The following CRTAP variants were observed in gnomAD, a reference collection of about 807,000 sequenced individuals.
CRTAP encodes cartilage associated protein.
CRTAP carries 33 observed loss-of-function variants against 42.7 expected under a neutral mutation model. That is an observed-to-expected ratio of 0.77 (90% confidence interval 0.59 to 1.03). CRTAP has a LOEUF of 1.03. CRTAP is among the 50% of genes least tolerant of loss of function. The pLI is 0.00. For missense variants in CRTAP, 613 were observed against 533.9 expected (o/e 1.15, Z -1.46); for synonymous variants, 243 against 217.7 (o/e 1.12, Z -1.02).
intron 2 of CRTAP, among the ~76,000 whole-genome samples, chr3:33,120,810 G>T (rs1192187664): frequency 2.0e-5 from 3 of 152,048 alleles, no homozygotes; most frequent in Non-Finnish European, 4.4e-5. Flanking sequence ...AGGAACACAA[G>T]AAATAGAAAC....
chr3:33,138,438 A>G (rs1170101506), intron 6 of CRTAP, among the ~76,000 whole-genome samples: 1 of 152,060 alleles, frequency 6.6e-6, no homozygotes, highest in East Asian at 1.9e-4. Context: ...TTCTTATTTT[A>G]TTATTCCTAA....
At position 33,129,976 on chromosome 3, in the gene CRTAP, T is replaced by G; in HGVS notation, c.831T>G (p.Cys277Trp). The G allele has an allele frequency of 6.2e-7, 1 of 1,613,582 alleles. No individual in the cohort carries two copies. Among genetic ancestry groups the G allele is most frequent in the Non-Finnish European group, 8.5e-7 (1 of 1,179,488 alleles). ...AAGTTCTGGAATGCAAAATACAGTG[T>G]GAAGAGAACCTCACCCCAGTTATAG... is the stretch of plus-strand genomic sequence containing the variant. ...YVEVLECKIQ[C>W]EENLTPVIGG... Residue 277 changes from cysteine to tryptophan, a missense_variant, in exon 4 of 7, where the codon TGT becomes TGG. Transcript: ENST00000320954.
chr3:33,119,382 G>A (rs1375824722), intron 1 of CRTAP, among the ~76,000 whole-genome samples: 4 of 152,148 alleles, frequency 2.6e-5, no homozygotes, highest in African/African-American at 9.7e-5. Flanking sequence ...GAGATTGTAG[G>A]GTGGCGTAAA....
intron 3 of CRTAP, among the ~76,000 whole-genome samples, chr3:33,125,201 T>G (rs1200975269): frequency 6.6e-6 from 1 of 152,150 alleles, no homozygotes; most frequent in Non-Finnish European, 1.5e-5. Context: ...CCCAAAGTGG[T>G]TTGAGAACAC....
intron 5 of CRTAP, 78 bp downstream of exon 5, chr3:33,132,778 G>C: frequency 6.4e-7 from 1 of 1,564,158 alleles, no homozygotes; most frequent in Non-Finnish European, 8.8e-7. Flanking sequence ...TAAGAGAAAG[G>C]GTTATTTTGG....
intron 3 of CRTAP, 110 bp from the exon 4 acceptor site, chr3:33,129,829 G>A (rs977511921): frequency 3.3e-5 from 37 of 1,111,374 alleles, no homozygotes; most frequent in African/African-American, 7.8e-5. Context: ...GAGCCACCGC[G>A]CCCGGCCTGT....
At chr3:33,136,316 T>A (rs1396647619) in intron 6 of CRTAP, among the ~76,000 whole-genome samples, 5 of 152,226 alleles carry the variant, frequency 3.3e-5, no homozygotes, top group Non-Finnish European at 5.9e-5. Context: ...GATGTTTGGG[T>A]TGGTTCCACT....
Position 33,120,400 on chromosome 3 carries a change from T to G in CRTAP, c.528T>G (p.Pro176=), listed in dbSNP as rs774680682. 2.2e-5 allele frequency: 36 copies of G among 1,614,042 alleles called. No individual in the cohort carries two copies. The highest frequency in any genetic ancestry group is 3.0e-5 in the Non-Finnish European group (35 of 1,179,990). The change falls in exon 2 of 7, where the codon CCT becomes CCG. Residue 176 remains proline (P), a synonymous_variant. Transcript: ENST00000320954. ...CTCACACCTTTCTACTGAAGCATCC[T>G]GATGACGAAATGATGAAGAGGAACA... ...AAAHTFLLKH[P]DDEMMKRNMA... is the part of the protein sequence containing the mutation.
intron 1 of CRTAP, 133 bp from the exon 2 acceptor site, chr3:33,120,211 G>A (rs1014493562): frequency 1.2e-6 from 1 of 823,392 alleles, no homozygotes; most frequent in Non-Finnish European, 2.1e-6. Flanking sequence ...GAGGGGCCCT[G>A]GAAGTCATGG....
intron 1 of CRTAP, among the ~76,000 whole-genome samples, chr3:33,114,932 C>A (rs1057496581): frequency 6.6e-6 from 1 of 152,044 alleles, no homozygotes; most frequent in African/African-American, 2.4e-5. Flanking sequence ...ACCTGAGGAG[C>A]CGACAAGTAC....
intron 6 of CRTAP, among the ~76,000 whole-genome samples, chr3:33,140,273 A>T (rs2030538350): frequency 6.6e-6 from 1 of 152,196 alleles, no homozygotes; most frequent in African/African-American, 2.4e-5. Context: ...CGCCAAGCTT[A>T]TTGCAGGCTT....
chr3:33,119,471 CAG>C (rs1397693643), intron 1 of CRTAP, among the ~76,000 whole-genome samples: 1 of 151,952 alleles, frequency 6.6e-6, no homozygotes, highest in Admixed American at 6.6e-5. Context: ...GAGAACTTAA[CAG>C]AATATATGGT....
chr3:33,137,151 T>C (rs2030443724), intron 6 of CRTAP, among the ~76,000 whole-genome samples: 1 of 152,178 alleles, frequency 6.6e-6, no homozygotes, highest in Non-Finnish European at 1.5e-5. Flanking sequence ...GTTTTTCTTT[T>C]CTTTTTGAGA....
At chr3:33,140,938 C>G (rs1373255474) in intron 6 of CRTAP, among the ~76,000 whole-genome samples, 1 of 152,212 alleles carries the variant, frequency 6.6e-6, no homozygotes, top group Non-Finnish European at 1.5e-5. Flanking sequence ...TCCCCCTTAT[C>G]AGTCTGTCAT....
intron 6 of CRTAP, among the ~76,000 whole-genome samples, chr3:33,136,889 A>T (rs1559436927): frequency 1.3e-5 from 2 of 152,104 alleles, no homozygotes; most frequent in Non-Finnish European, 2.9e-5. Context: ...TTTGGAGGGG[A>T]CATATATCCA....
chr3:33,131,600 T>C (rs1199882297), intron 4 of CRTAP, among the ~76,000 whole-genome samples: 1 of 152,200 alleles, frequency 6.6e-6, no homozygotes, highest in Non-Finnish European at 1.5e-5. Flanking sequence ...CCAGGAAATC[T>C]GCTTTCGGGG....
rs147140948 is a variant in CRTAP at position 33,130,011 on chromosome 3, C to T, written c.866C>T (p.Pro289Leu). ...CTCACCCCAGTTATAGGAGGCTATCCGGTTGAGAAATTTGTGGCTACCATG... is the reference window on the plus strand; with the variant it reads ...CTCACCCCAGTTATAGGAGGCTATCTGGTTGAGAAATTTGTGGCTACCATG... ...ENLTPVIGGYPVEKFVATMYH... is the reference protein window; with the variant it reads ...ENLTPVIGGYLVEKFVATMYH... The change falls in exon 4 of 7, where the codon CCG becomes CTG. Residue 289 changes from proline (P) to leucine (L), a missense_variant. Pro to Leu is a moderately conservative substitution (Grantham distance 98). Transcript: ENST00000320954. 479 of 1,613,246 alleles carry T rather than the reference C, an allele frequency of 3.0e-4. No individual in the cohort carries two copies. Among genetic ancestry groups the T allele is most frequent in the Non-Finnish European group, 3.8e-4 (451 of 1,179,392 alleles).
In CRTAP at chr3:33,132,851, G is replaced by A. The variant is rs561324319; in HGVS notation, c.1068+151G>A. 8.4e-5 allele frequency: 74 copies of A among 879,528 alleles called. No homozygotes were observed. In the Admixed American group the frequency reaches 8.9e-4, roughly 11 times the overall value. 54.5% of individuals were successfully genotyped at this position (879,528 alleles called of 1,614,324 possible). On this transcript the variant is annotated intron_variant, in intron 5 of 6. Transcript: ENST00000320954. ...TCCCAGCACTTTGGGAGGCCGAGGCGGGCGGATCATGATGTCAGGAGTTCG... is the reference window on the plus strand; with the variant it reads ...TCCCAGCACTTTGGGAGGCCGAGGCAGGCGGATCATGATGTCAGGAGTTCG...
intron 1 of CRTAP, among the ~76,000 whole-genome samples, chr3:33,120,108 G>C (rs763251750): frequency 1.6e-4 from 24 of 152,220 alleles, no homozygotes; most frequent in Non-Finnish European, 3.2e-4. Context: ...CATGTAGCCA[G>C]TGCAGAGTAG....
Sources: gnomAD v4.1 joint callset for allele counts (sites outside exome capture counted in the v4.1 genomes callset) on GRCh38, gnomAD v4.1.1 for gene constraint, MANE v1.5 for transcripts, NCBI Gene and HGNC (gene_info 2026-07-23, HGNC 2026-07-21) for gene names.